Variants in TACR1 observed in about 807,000 individuals in gnomAD.
TACR1 encodes the protein tachykinin receptor 1, also known as substance-P receptor.
A neutral mutation model predicts 35.8 loss-of-function variants in TACR1; 25 were observed. That is an observed-to-expected ratio of 0.70 (90% CI 0.51 to 0.98). The LOEUF (loss-of-function observed/expected upper bound fraction) is 0.98. Among genes scored for constraint, TACR1 ranks in the 50% least tolerant of loss-of-function variants. The probability of loss-of-function intolerance (pLI) is 0.00; values close to 1 mark genes in which losing one functional copy is unlikely to be tolerated. For synonymous variants in TACR1, 195 were observed against 206.7 expected (o/e 0.94, Z 0.48); for missense variants, 478 against 522.9 (o/e 0.91, Z 0.84).
rs768630359 is a variant in TACR1 at position 75,049,530 on chromosome 2, T to G, written c.1126A>C (p.Thr376Pro). The G allele has an allele frequency of 6.2e-7, 1 of 1,614,184 alleles. No homozygotes were observed. The highest frequency in any genetic ancestry group is 8.5e-7 in the Non-Finnish European group (1 of 1,179,990). Residue 376 changes from threonine to proline, a missense_variant, in exon 5 of 5, where the codon ACA becomes CCA. Physicochemically the swap from Thr to Pro is conservative, Grantham distance 38. Transcript: ENST00000305249. ...EEEPEDGPKA[T>P]PSSLDLTSNC... is the part of the protein sequence containing the mutation. ...GAGGTCAGGTCCAGGGACGAGGGTG[T>G]GGCCTTGGGGCCGTCCTCTGGCTCC... is the stretch of plus-strand genomic sequence containing the variant.
chr2:75,184,835 G>T (rs1675649641), intron 1 of TACR1, among the ~76,000 whole-genome samples: 1 of 151,510 alleles, frequency 6.6e-6, no homozygotes, highest in South Asian at 2.1e-4. Flanking sequence ...GTAAAAAACT[G>T]TAAAGAAATC....
chr2:75,064,394 C>T (rs3755458), intron 2 of TACR1, among the ~76,000 whole-genome samples: 16,726 of 152,128 alleles, frequency 0.11, 1,256 homozygotes, highest in East Asian at 0.31. Flanking sequence ...ACAAGTTAGA[C>T]GGTCTTTGGG....
intron 1 of TACR1, among the ~76,000 whole-genome samples, chr2:75,178,409 TC>T (rs1478776118): frequency 3.3e-5 from 5 of 152,062 alleles, no homozygotes; most frequent in African/African-American, 1.2e-4. Context: ...GGTCTCAAAC[TC>T]CTGACCTCAG....
intron 1 of TACR1, among the ~76,000 whole-genome samples, chr2:75,185,004 G>C (rs886633557): frequency 6.6e-6 from 1 of 151,802 alleles, no homozygotes; most frequent in African/African-American, 2.4e-5. Context: ...GGGTGTTTTA[G>C]ATTATGAATC....
At chr2:75,105,035 G>T (rs146000352) in intron 2 of TACR1, among the ~76,000 whole-genome samples, 20 of 152,156 alleles carry the variant, frequency 1.3e-4, no homozygotes, top group African/African-American at 4.8e-4. Context: ...CTACTTGTGG[G>T]TATATATCTG....
rs749494089 is a variant in TACR1, at chr2:75,198,825, G to A, written c.110C>T (p.Ala37Val). ...QPAWQIVLWA[A>V]AYTVIVVTSV... ...GGTCACCACAATGACCGTGTAGGCAGCTGCCCAAAGGACAATTTGCCAGGC... is the reference window on the plus strand; with the variant it reads ...GGTCACCACAATGACCGTGTAGGCAACTGCCCAAAGGACAATTTGCCAGGC... Residue 37 changes from alanine to valine, a missense_variant, in exon 1 of 5, where the codon GCT becomes GTT. Coordinates refer to ENST00000305249, the MANE Select transcript of TACR1 (RefSeq NM_001058.4). The A allele has an allele frequency of 1.7e-5, 28 of 1,613,984 alleles. No individual in the cohort carries two copies. Among genetic ancestry groups the A allele is most frequent in the South Asian group, 3.3e-5 (3 of 91,068 alleles).
chr2:75,192,755 T>C (rs1675879670), intron 1 of TACR1, among the ~76,000 whole-genome samples: 1 of 152,166 alleles, frequency 6.6e-6, no homozygotes. Context: ...AAAGAAATTG[T>C]TTCTAATCGC....
Position 75,198,766 on chromosome 2 carries a change from T to C in TACR1, c.169A>G (p.Ile57Val), listed in dbSNP as rs1676058967. Residue 57 changes from isoleucine to valine, a missense_variant, in exon 1 of 5, where the codon ATC becomes GTC. Ile to Val is a conservative substitution (Grantham distance 29). Transcript: ENST00000305249. ...VVGNVVVMWIILAHKRMRTVT... is the reference protein window; with the variant it reads ...VVGNVVVMWIVLAHKRMRTVT... ...GTCCTCATTCTTTTGTGGGCTAAGA[T>C]GATCCACATCACTACCACGTTGCCC... The C allele has an allele frequency of 6.2e-7, 1 of 1,614,060 alleles. No homozygotes were observed. Among genetic ancestry groups the C allele is most frequent in the Non-Finnish European group, 8.5e-7 (1 of 1,180,030 alleles).
intron 2 of TACR1, among the ~76,000 whole-genome samples, chr2:75,084,540 G>A (rs1177181268): frequency 6.6e-6 from 1 of 152,244 alleles, no homozygotes; most frequent in African/African-American, 2.4e-5. Context: ...GAATTCGGCT[G>A]TGAGTCCGTC....
At chr2:75,055,879 C>T (rs1672559329) in intron 2 of TACR1, among the ~76,000 whole-genome samples, 1 of 152,172 alleles carries the variant, frequency 6.6e-6, no homozygotes, top group Non-Finnish European at 1.5e-5. Flanking sequence ...AACAAGTTCT[C>T]AAGAGATGCC....
intron 1 of TACR1, among the ~76,000 whole-genome samples, chr2:75,168,379 A>G (rs887348554): frequency 9.2e-5 from 14 of 152,200 alleles, no homozygotes; most frequent in African/African-American, 3.4e-4. Flanking sequence ...AGGTCTGCCC[A>G]ATCTAATCAG....
intron 1 of TACR1, among the ~76,000 whole-genome samples, chr2:75,124,619 T>C (rs3771821): frequency 0.48 from 73,283 of 152,098 alleles, 18,473 homozygotes; most frequent in Non-Finnish European, 0.54. Flanking sequence ...ATTTTGAGTT[T>C]TGTGGTCCAT....
chr2:75,070,965 GA>G (rs888452502), intron 2 of TACR1, among the ~76,000 whole-genome samples: 1,943 of 148,640 alleles, frequency 0.013, 41 homozygotes, highest in African/African-American at 0.043. Flanking sequence ...AATGACCAGG[GA>G]AAAAAAAACA....
intron 1 of TACR1, among the ~76,000 whole-genome samples, chr2:75,153,239 C>T (rs772315822): frequency 1.2e-4 from 18 of 152,176 alleles, no homozygotes; most frequent in Non-Finnish European, 1.3e-4. Context: ...AAAAGCTCAG[C>T]AGAGGGCAGG....
At chr2:75,122,097 C>T (rs1673981672) in intron 1 of TACR1, among the ~76,000 whole-genome samples, 1 of 152,162 alleles carries the variant, frequency 6.6e-6, no homozygotes, top group African/African-American at 2.4e-5. Flanking sequence ...GTAATTTCTC[C>T]AGGGAGAAAA....
chr2:75,171,416 A>G (rs1193608210), intron 1 of TACR1, among the ~76,000 whole-genome samples: 1 of 152,214 alleles, frequency 6.6e-6, no homozygotes, highest in Non-Finnish European at 1.5e-5. Flanking sequence ...GAGCCCTCAT[A>G]GAGAACCTCT....
intron 1 of TACR1, among the ~76,000 whole-genome samples, chr2:75,158,875 C>G (rs1674932908): frequency 6.6e-6 from 1 of 152,204 alleles, no homozygotes; most frequent in Admixed American, 6.5e-5. Flanking sequence ...TGCCACCAAC[C>G]AGCTGTGCAG....
rs879863383 is a variant in TACR1, at chr2:75,049,083, C to T, written c.*349G>A. On this transcript the variant is annotated 3_prime_UTR_variant, in exon 5 of 5. Transcript: ENST00000305249. ...TCCAGGAAAATGAGTCTTCCGGGTCCGCAGCTGTGCTGCAGAATTCATCCT... is the reference window on the plus strand; with the variant it reads ...TCCAGGAAAATGAGTCTTCCGGGTCTGCAGCTGTGCTGCAGAATTCATCCT... The T allele has an allele frequency of 1.8e-5, 4 of 222,142 alleles. No individual in the cohort carries two copies. The highest frequency in any genetic ancestry group is 5.3e-5 in the Admixed American group (1 of 19,008). 13.8% of individuals were successfully genotyped at this position (222,142 alleles called of 1,614,324 possible). A position where few individuals can be genotyped will look rare whatever the true frequency, so the allele number is the denominator to read the frequency against.
intron 1 of TACR1, among the ~76,000 whole-genome samples, chr2:75,169,318 T>C (rs1200356480): frequency 6.6e-6 from 1 of 152,210 alleles, no homozygotes; most frequent in African/African-American, 2.4e-5. Flanking sequence ...ATAGTATGTC[T>C]TTGTATTGGT....
Sources: allele counts gnomAD v4.1 joint callset (sites outside exome capture counted in the v4.1 genomes callset), GRCh38; gene constraint gnomAD v4.1.1; transcripts MANE v1.5; gene names NCBI Gene and HGNC (gene_info 2026-07-23, HGNC 2026-07-21).